ATP6V1H: variants seen among roughly 807,000 people sequenced by gnomAD.
ATP6V1H encodes V-type proton ATPase subunit H.
In ATP6V1H, 39 loss-of-function variants were observed where a neutral mutation model predicts 71.7. The observed-to-expected ratio is 0.54, with a 90% CI of 0.42 to 0.71. The LOEUF (loss-of-function observed/expected upper bound fraction) is 0.71. Ranked by LOEUF, ATP6V1H falls within the 30% of genes least tolerant of loss-of-function variation. The pLI is 0.00. For synonymous variants in ATP6V1H, 192 were observed against 199.3 expected, an observed-to-expected ratio of 0.96 and a Z score of 0.31; for missense variants, 509 against 594.9, an observed-to-expected ratio of 0.86 and a Z score of 1.50.
chr8:53,797,071 A>G (rs1479961293), intron 8 of ATP6V1H, among the ~76,000 whole-genome samples: 1 of 152,236 alleles, frequency 6.6e-6, no homozygotes, highest in African/African-American at 2.4e-5. Flanking sequence ...CTATAAAATC[A>G]TGTCACTTTA....
intron 9 of ATP6V1H, among the ~76,000 whole-genome samples, chr8:53,791,049 G>A (rs1361815066): frequency 6.6e-6 from 1 of 150,870 alleles, no homozygotes; most frequent in Non-Finnish European, 1.5e-5. Flanking sequence ...AGGCTCCTGT[G>A]ACAATGGTAG....
At chr8:53,719,618 C>T (rs1806546997) in intron 13 of ATP6V1H, among the ~76,000 whole-genome samples, 1 of 152,250 alleles carries the variant, frequency 6.6e-6, no homozygotes, top group Non-Finnish European at 1.5e-5. Flanking sequence ...CACAGGATGG[C>T]TGTTGCCATC....
chr8:53,742,763 A>G (rs565877655), intron 13 of ATP6V1H, among the ~76,000 whole-genome samples: 1 of 152,340 alleles, frequency 6.6e-6, no homozygotes, highest in East Asian at 1.9e-4. Context: ...CACTCATGCT[A>G]GTGCATCACT....
intron 5 of ATP6V1H, 89 bp from the exon 6 acceptor site, chr8:53,814,855 C>T (rs1019461443): frequency 7.0e-6 from 6 of 862,786 alleles, no homozygotes; most frequent in African/African-American, 5.2e-5. Context: ...AACAATTTTG[C>T]TACACAATTT....
intron 11 of ATP6V1H, among the ~76,000 whole-genome samples, chr8:53,757,034 G>A (rs186294112): frequency 6.8e-4 from 103 of 152,314 alleles, no homozygotes; most frequent in African/African-American, 2.4e-3. Flanking sequence ...GTGACTTTCA[G>A]TGCTCGATGA....
chr8:53,727,649 T>A (rs1806860349), intron 13 of ATP6V1H, among the ~76,000 whole-genome samples: 1 of 152,164 alleles, frequency 6.6e-6, no homozygotes, highest in African/African-American at 2.4e-5. Context: ...GGTAATCTCA[T>A]CCCCTTCCAC....
At chr8:53,725,352 C>G (rs1806777432) in intron 13 of ATP6V1H, among the ~76,000 whole-genome samples, 1 of 152,110 alleles carries the variant, frequency 6.6e-6, no homozygotes, top group African/African-American at 2.4e-5. Context: ...TCAACAGATG[C>G]AGCCCCTCAA....
chr8:53,804,895 A>T (rs1321483141), intron 7 of ATP6V1H, among the ~76,000 whole-genome samples: 2 of 152,202 alleles, frequency 1.3e-5, no homozygotes, highest in Non-Finnish European at 2.9e-5. Flanking sequence ...AATGTTGCTG[A>T]AAATGCAAGC....
At chr8:53,740,858 G>C (rs1282968528) in intron 13 of ATP6V1H, among the ~76,000 whole-genome samples, 2 of 152,096 alleles carry the variant, frequency 1.3e-5, no homozygotes, top group Non-Finnish European at 2.9e-5. Flanking sequence ...ATTATTACTT[G>C]AGCAACTTTC....
rs149102247 is a variant in ATP6V1H, at chr8:53,764,624, C to G, written c.1175+4994G>C. Among the ~76,000 whole-genome samples, 336 of 151,966 alleles carry G rather than the reference C, an allele frequency of 2.2e-3. 2 individuals carry two copies. The highest frequency in any genetic ancestry group is 7.8e-3 in the African/African-American group (325 of 41,452). On this transcript the variant is annotated intron_variant, in intron 11 of 13. Transcript: ENST00000359530. Reference sequence around the variant, plus strand: ...CTTTCCTCCCTAAGATCAGAAGCAACGCAAGGATGTACCCTCTCATCACTC... The same window carrying G: ...CTTTCCTCCCTAAGATCAGAAGCAAGGCAAGGATGTACCCTCTCATCACTC...
chr8:53,725,456 T>C (rs892600705), intron 13 of ATP6V1H, among the ~76,000 whole-genome samples: 4 of 151,206 alleles, frequency 2.6e-5, no homozygotes, highest in African/African-American at 9.8e-5. Flanking sequence ...CATCAGAAAA[T>C]AAACAAAGAC....
chr8:53,772,066 C>T lies in ATP6V1H; in HGVS notation c.972G>A (p.Gln324=). Reference sequence around the variant, plus strand: ...CGCTGATATCTTCATCATCGTACTTCTGCTGTTCCAAGTTCTCCAACTGTT... The same window carrying T: ...CGCTGATATCTTCATCATCGTACTTTTGCTGTTCCAAGTTCTCCAACTGTT... ...VLKQLENLEQ[Q]KYDDEDISED... is the part of the protein sequence containing the mutation. Residue 324 remains glutamine, a synonymous_variant, in exon 10 of 14, where the codon CAG becomes CAA. Transcript: ENST00000359530. The T allele has an allele frequency of 6.2e-7, 1 of 1,614,114 alleles. No homozygotes were observed. The highest frequency in any genetic ancestry group is 8.5e-7 in the Non-Finnish European group (1 of 1,179,994).
intron 2 of ATP6V1H, among the ~76,000 whole-genome samples, chr8:53,838,842 A>T (rs1315880300): frequency 3.9e-5 from 6 of 152,222 alleles, no homozygotes; most frequent in Admixed American, 6.5e-5. Flanking sequence ...ACGCTTCCAC[A>T]GGTCTTATTA....
chr8:53,744,211 C>G (rs1807515725), intron 12 of ATP6V1H, among the ~76,000 whole-genome samples: 1 of 152,032 alleles, frequency 6.6e-6, no homozygotes, highest in African/African-American at 2.4e-5. Flanking sequence ...GATATCCACC[C>G]CTTTGTAATA....
At position 53,768,642 on chromosome 8, in the gene ATP6V1H, T is replaced by C. The variant is rs145683668; in HGVS notation, c.1175+976A>G. On this transcript the variant is annotated intron_variant, in intron 11 of 13. Coordinates refer to ENST00000359530, the MANE Select transcript of ATP6V1H (RefSeq NM_015941.4). ...GTAGTGATAAATTCCACAACATGGATGAGCCCTGAACACATTACAGTACAT... is the reference window on the plus strand; with the variant it reads ...GTAGTGATAAATTCCACAACATGGACGAGCCCTGAACACATTACAGTACAT... 2.6e-5 allele frequency among the ~76,000 whole-genome samples: 4 copies of C among 152,236 alleles called. No homozygotes were observed. The East Asian group carries it at 7.7e-4, about 29-fold the overall frequency.
intron 13 of ATP6V1H, among the ~76,000 whole-genome samples, chr8:53,731,361 AAT>A (rs1325820671): frequency 2.6e-5 from 4 of 152,180 alleles, no homozygotes; most frequent in African/African-American, 9.7e-5. Context: ...GAAAGGCAAA[AAT>A]GAGATCAATA....
Position 53,784,384 on chromosome 8 carries a change from G to T in ATP6V1H, c.870+11263C>A, listed in dbSNP as rs1374570489. ...CCCCTGCCTTTTTTTGTTTTCCATT[G>T]GCTTGGTAGATCTTCCTCCATCCCT... On this transcript the variant is annotated intron_variant, in intron 9 of 13. Transcript: ENST00000359530. 2.0e-3 allele frequency among the ~76,000 whole-genome samples: 310 copies of T among 151,870 alleles called. 1 individual carries two copies. Among genetic ancestry groups the T allele is most frequent in the African/African-American group, 7.1e-3 (292 of 41,324 alleles).
intron 12 of ATP6V1H, among the ~76,000 whole-genome samples, chr8:53,745,273 T>C (rs937275655): frequency 1.3e-5 from 2 of 152,060 alleles, no homozygotes; most frequent in Non-Finnish European, 2.9e-5. Flanking sequence ...TGGTGGTGTG[T>C]ACCTGTAGAA....
intron 9 of ATP6V1H, among the ~76,000 whole-genome samples, chr8:53,788,743 CAG>C (rs1809463812): frequency 6.6e-6 from 1 of 152,284 alleles, no homozygotes; most frequent in East Asian, 1.9e-4. Flanking sequence ...CTATCCACTC[CAG>C]AGAGACTCTT....
Sources: gnomAD v4.1 joint callset for allele counts (sites outside exome capture counted in the v4.1 genomes callset) on GRCh38, gnomAD v4.1.1 for gene constraint, MANE v1.5 for transcripts, NCBI Gene and HGNC (gene_info 2026-07-23, HGNC 2026-07-21) for gene names.